Variants in KCNH1 observed in about 807,000 individuals in gnomAD.
KCNH1 encodes the protein potassium voltage-gated channel subfamily H member 1, also known as voltage-gated delayed rectifier potassium channel KCNH1.
A neutral mutation model predicts 69.2 loss-of-function variants in KCNH1; 27 were observed. The observed-to-expected ratio is 0.39, with a 90% CI of 0.29 to 0.54. The LOEUF (loss-of-function observed/expected upper bound fraction) is 0.54, where lower values mean the gene tolerates loss of function less well. KCNH1 is among the 20% of genes least tolerant of loss of function. The pLI is 0.68. For synonymous variants in KCNH1, 456 were observed against 487.7 expected (o/e 0.93, Z 0.86); for missense variants, 798 against 1,261.6 (o/e 0.63, Z 5.57).
intron 7 of KCNH1, among the ~76,000 whole-genome samples, chr1:210,868,163 G>T (rs1686155465): frequency 6.6e-6 from 1 of 151,952 alleles, no homozygotes; most frequent in Non-Finnish European, 1.5e-5. Flanking sequence ...CATATAGTGG[G>T]TATCTCATGT....
At chr1:210,697,865 A>G (rs1681679408) in intron 10 of KCNH1, among the ~76,000 whole-genome samples, 1 of 152,250 alleles carries the variant, frequency 6.6e-6, no homozygotes, top group South Asian at 2.1e-4. Flanking sequence ...ATCCACATCA[A>G]TGCATCTGGG....
At chr1:210,751,405 G>C (rs1040556028) in intron 10 of KCNH1, among the ~76,000 whole-genome samples, 12 of 152,324 alleles carry the variant, frequency 7.9e-5, no homozygotes, top group African/African-American at 2.9e-4. Flanking sequence ...GAAGAAGATA[G>C]AGCCTGGACA....
intron 10 of KCNH1, among the ~76,000 whole-genome samples, chr1:210,695,062 C>T (rs1226673244): frequency 1.3e-5 from 2 of 152,178 alleles, no homozygotes. Context: ...GGTTCAGAGG[C>T]TGTTCTAGAG....
chr1:211,122,720 C>T (rs1691711362), intron 1 of KCNH1, among the ~76,000 whole-genome samples: 1 of 152,048 alleles, frequency 6.6e-6, no homozygotes, highest in Non-Finnish European at 1.5e-5. Flanking sequence ...GAAAACTAAC[C>T]TGGGGACAGA....
intron 7 of KCNH1, among the ~76,000 whole-genome samples, chr1:210,844,334 A>C (rs1685490421): frequency 6.6e-6 from 1 of 152,208 alleles, no homozygotes; most frequent in Admixed American, 6.6e-5. Context: ...CATCCTGGAC[A>C]ACATGGGGAA....
chr1:211,089,282 GCA>G (rs898107260), intron 4 of KCNH1, among the ~76,000 whole-genome samples: 9 of 152,148 alleles, frequency 5.9e-5, no homozygotes, highest in Admixed American at 4.6e-4. Flanking sequence ...AATAGCTACT[GCA>G]CTGAGAAATC....
intron 7 of KCNH1, among the ~76,000 whole-genome samples, chr1:210,916,328 A>G (rs1021652725): frequency 1.3e-5 from 2 of 152,250 alleles, no homozygotes; most frequent in African/African-American, 4.8e-5. Flanking sequence ...GCAGATGTGT[A>G]TCACATGGAA....
chr1:211,030,528 C>T lies in KCNH1; in HGVS notation c.559-11272G>A, dbSNP rs1253275156. On this transcript the variant is annotated intron_variant, in intron 5 of 10. Coordinates refer to ENST00000271751, the MANE Select transcript of KCNH1 (RefSeq NM_172362.3). ...CAGGAAAGACAGCCTTTTTAACAAA[C>T]GGCATGGGAACAAGTGGACATCAAT... Among the ~76,000 whole-genome samples the T allele has an allele frequency of 5.3e-5, 8 of 152,228 alleles. No individual in the cohort carries two copies. In the East Asian group the frequency reaches 7.7e-4, roughly 15 times the overall value.
At chr1:210,975,741 T>C (rs1264279404) in intron 6 of KCNH1, among the ~76,000 whole-genome samples, 2 of 152,102 alleles carry the variant, frequency 1.3e-5, no homozygotes, top group Admixed American at 6.6e-5. Flanking sequence ...AAAGCCAAAA[T>C]TGACAAATGG....
At chr1:210,890,166 A>G (rs566709329) in intron 7 of KCNH1, among the ~76,000 whole-genome samples, 6 of 152,310 alleles carry the variant, frequency 3.9e-5, no homozygotes, top group African/African-American at 1.4e-4. Context: ...ACAGTAACCA[A>G]ATCAGCTCGG....
At chr1:210,729,015 T>C (rs1354738745) in intron 10 of KCNH1, among the ~76,000 whole-genome samples, 17 of 152,174 alleles carry the variant, frequency 1.1e-4, no homozygotes, top group Admixed American at 1.1e-3. Flanking sequence ...GGCTACCAAA[T>C]GAAAAAGCAA....
chr1:210,691,156 T>A (rs908891647), intron 10 of KCNH1, among the ~76,000 whole-genome samples: 1 of 152,176 alleles, frequency 6.6e-6, no homozygotes. Flanking sequence ...TTACTCTTTG[T>A]GGGGGCTTGA....
At chr1:210,903,836 G>C (rs925297387) in intron 7 of KCNH1, among the ~76,000 whole-genome samples, 1 of 152,230 alleles carries the variant, frequency 6.6e-6, no homozygotes, top group African/African-American at 2.4e-5. Context: ...CTATCATCAG[G>C]TGGTAAAACA....
rs1438704601 is a variant in KCNH1, at chr1:211,109,685, C to T, written c.80-2308G>A. On this transcript the variant is annotated intron_variant, in intron 1 of 10. Transcript: ENST00000271751. ...CATATGTTTATTTTCTCTTGTATACCAGACCCCAGTAAAATAAAAGTAAAC... is the reference window on the plus strand; with the variant it reads ...CATATGTTTATTTTCTCTTGTATACTAGACCCCAGTAAAATAAAAGTAAAC... 2.0e-5 allele frequency among the ~76,000 whole-genome samples: 3 copies of T among 151,310 alleles called. No individual in the cohort carries two copies. In the East Asian group the frequency reaches 5.8e-4, roughly 29 times the overall value.
intron 10 of KCNH1, among the ~76,000 whole-genome samples, chr1:210,698,809 G>T (rs1681704858): frequency 6.6e-6 from 1 of 152,190 alleles, no homozygotes; most frequent in South Asian, 2.1e-4. Flanking sequence ...TGAGTAAGAG[G>T]CTGAACCCAG....
chr1:211,121,821 A>G lies in KCNH1; in HGVS notation c.79+12046T>C, dbSNP rs189655139. On this transcript the variant is annotated intron_variant, in intron 1 of 10. Transcript: ENST00000271751. ...AATATCCAGAATTTACAAGGAAATT[A>G]AACATATTTACAAGAGAAAAACAAA... Among the ~76,000 whole-genome samples, 266 of 152,350 alleles carry G rather than the reference A, an allele frequency of 1.7e-3. 3 individuals are homozygous for G. The highest frequency in any genetic ancestry group is 8.7e-3 in the Admixed American group (133 of 15,298).
intron 7 of KCNH1, among the ~76,000 whole-genome samples, chr1:210,857,219 T>C (rs1052822628): frequency 2.6e-5 from 4 of 152,152 alleles, no homozygotes; most frequent in Non-Finnish European, 4.4e-5. Flanking sequence ...TAGTGCTTTA[T>C]ATAATGAAGA....
At chr1:210,710,105 T>A (rs942989498) in intron 10 of KCNH1, among the ~76,000 whole-genome samples, 1 of 152,228 alleles carries the variant, frequency 6.6e-6, no homozygotes, top group Non-Finnish European at 1.5e-5. Context: ...TATATCCTGT[T>A]GCTCCTAGGC....
intron 5 of KCNH1, among the ~76,000 whole-genome samples, chr1:211,035,524 G>A (rs947087918): frequency 3.3e-5 from 5 of 151,894 alleles, no homozygotes; most frequent in African/African-American, 2.4e-5. Flanking sequence ...CTGGGATTAC[G>A]GGTACTGGCA....
Sources: gnomAD v4.1 joint callset for allele counts (sites outside exome capture counted in the v4.1 genomes callset) on GRCh38, gnomAD v4.1.1 for gene constraint, MANE v1.5 for transcripts, NCBI Gene and HGNC (gene_info 2026-07-23, HGNC 2026-07-21) for gene names.